Variants in RNLS observed in about 807,000 individuals in gnomAD.
The protein encoded by RNLS is renalase.
In RNLS, 39 loss-of-function variants were observed where a neutral mutation model predicts 39.8. The ratio of observed to expected loss-of-function variants is 0.98; its 90% CI spans 0.76 to 1.28. The LOEUF (loss-of-function observed/expected upper bound fraction) is 1.28. Among genes scored for constraint, RNLS ranks in the 50% most tolerant of loss-of-function variants. The pLI, the probability that RNLS is intolerant of heterozygous loss-of-function variation, is 0.00. For missense variants in RNLS, 410 were observed against 413.3 expected (o/e 0.99, Z 0.07); for synonymous variants, 147 against 150.7 (o/e 0.98, Z 0.18).
intron 4 of RNLS, among the ~76,000 whole-genome samples, chr10:88,389,618 T>C (rs1371207204): frequency 1.4e-5 from 2 of 138,580 alleles, no homozygotes; most frequent in Non-Finnish European, 3.1e-5. Flanking sequence ...AAGGATCCTT[T>C]TGAAAGTGAA....
At chr10:88,452,990 G>A (rs1413092813) in intron 4 of RNLS, among the ~76,000 whole-genome samples, 2 of 152,188 alleles carry the variant, frequency 1.3e-5, no homozygotes, top group Admixed American at 6.5e-5. Context: ...ACAGGCAGAG[G>A]TGCTAGTTGA....
chr10:88,574,345 G>T (rs1850028546), intron 3 of RNLS, among the ~76,000 whole-genome samples: 1 of 152,086 alleles, frequency 6.6e-6, no homozygotes, highest in African/African-American at 2.4e-5. Context: ...TCTTTACCTG[G>T]GAAATCTCAC....
chr10:88,524,949 G>GCACACACACA (rs761145374), intron 4 of RNLS, among the ~76,000 whole-genome samples: 762 of 49,556 alleles, frequency 0.015, 34 homozygotes, highest in Middle Eastern at 0.023. Flanking sequence ...TATATATATG[G>GCACACACACA]CACACACATA....
intron 4 of RNLS, among the ~76,000 whole-genome samples, chr10:88,473,345 G>A (rs561817515): frequency 1.3e-5 from 2 of 152,250 alleles, no homozygotes; most frequent in South Asian, 2.1e-4. Flanking sequence ...CAAGATGAGA[G>A]TTTGTCTTGC....
downstream of RNLS, among the ~76,000 whole-genome samples, chr10:88,283,341 T>A (rs1843093846): frequency 6.6e-6 from 1 of 152,116 alleles, no homozygotes; most frequent in Admixed American, 6.6e-5. Context: ...TTAGAAAGAA[T>A]AGATATTAAA....
At chr10:88,475,000 GT>G (rs1221863237) in intron 4 of RNLS, among the ~76,000 whole-genome samples, 6 of 152,144 alleles carry the variant, frequency 3.9e-5, no homozygotes, top group African/African-American at 1.4e-4. Flanking sequence ...CAACAAGATA[GT>G]GGACTGCCAT....
intron 4 of RNLS, among the ~76,000 whole-genome samples, chr10:88,529,725 A>G (rs1222633353): frequency 1.3e-5 from 2 of 152,356 alleles, no homozygotes; most frequent in East Asian, 3.9e-4. Context: ...GAAACATTCC[A>G]AACATATGAA....
chr10:88,455,307 C>T (rs559706827), intron 4 of RNLS, among the ~76,000 whole-genome samples: 9 of 152,164 alleles, frequency 5.9e-5, no homozygotes, highest in South Asian at 2.1e-4. Context: ...TAGAAATAAA[C>T]GTTCCAAACC....
intron 4 of RNLS, among the ~76,000 whole-genome samples, chr10:88,369,800 C>T (rs1308299225): frequency 6.6e-6 from 1 of 152,182 alleles, no homozygotes; most frequent in Non-Finnish European, 1.5e-5. Context: ...CTGCCTCATC[C>T]TCCCAAGTAA....
intron 4 of RNLS, among the ~76,000 whole-genome samples, chr10:88,508,204 G>T (rs1845903347): frequency 6.6e-6 from 1 of 152,092 alleles, no homozygotes; most frequent in Non-Finnish European, 1.5e-5. Context: ...TGAGGTAAAA[G>T]GTCAGAGATT....
At chr10:88,466,395 C>A (rs971339215) in intron 4 of RNLS, among the ~76,000 whole-genome samples, 2 of 152,066 alleles carry the variant, frequency 1.3e-5, no homozygotes, top group African/African-American at 4.8e-5. Flanking sequence ...CCAGCCTGGG[C>A]AGCATAGGAA....
chr10:88,493,911 A>G (rs1845021761), intron 4 of RNLS, among the ~76,000 whole-genome samples: 1 of 152,152 alleles, frequency 6.6e-6, no homozygotes, highest in Admixed American at 6.6e-5. Flanking sequence ...CAGACCATAA[A>G]CAAAATGGAG....
the RNLS span, among the ~76,000 whole-genome samples, chr10:88,183,176 T>C: frequency 2.0e-5 from 3 of 152,234 alleles, no homozygotes; most frequent in East Asian, 5.8e-4. Context: ...ATATTTTCCT[T>C]TGGATGCAAG....
At chr10:88,382,941 T>G (rs2133530571) in intron 4 of RNLS, among the ~76,000 whole-genome samples, 2 of 152,220 alleles carry the variant, frequency 1.3e-5, no homozygotes, top group South Asian at 4.1e-4. Flanking sequence ...TGGTAAAATA[T>G]TTATTTTAAA....
chr10:88,417,243 G>A (rs2133736644), intron 4 of RNLS, among the ~76,000 whole-genome samples: 1 of 152,288 alleles, frequency 6.6e-6, no homozygotes, highest in African/African-American at 2.4e-5. Context: ...AAACACTATT[G>A]TATTGTTTAG....
chr10:88,244,193 A>G, the RNLS span, among the ~76,000 whole-genome samples: 1 of 152,214 alleles, frequency 6.6e-6, no homozygotes, highest in East Asian at 1.9e-4. Flanking sequence ...GTTGTACAGC[A>G]AATGCTGACC....
At chr10:88,299,994 AAAGAATGATAT>A (rs1844395253) in intron 6 of RNLS, among the ~76,000 whole-genome samples, 1 of 152,236 alleles carries the variant, frequency 6.6e-6, no homozygotes, top group Admixed American at 6.5e-5. Context: ...AGCAGCAAAA[AAAGAATGATAT>A]AAGAAGGTGT....
At chr10:88,569,891 C>CA (rs972950572) in intron 4 of RNLS, among the ~76,000 whole-genome samples, 2 of 151,642 alleles carry the variant, frequency 1.3e-5, no homozygotes, top group African/African-American at 2.4e-5. Flanking sequence ...AGCACCTTGA[C>CA]AAAAAAAGAA....
rs1273787343 is a variant in RNLS, at chr10:88,314,426, A to G, written c.876+40T>C. The G allele has an allele frequency of 3.1e-6, 5 of 1,600,146 alleles. No individual in the cohort carries two copies. In the Admixed American group the frequency reaches 6.7e-5, roughly 22 times the overall value. On this transcript the variant is annotated intron_variant, in intron 6 of 6. Coordinates refer to ENST00000331772, the MANE Select transcript of RNLS (RefSeq NM_001031709.3). ...TAACATCAGTTCTGTGAGCCTGTTA[A>G]GAAAATTGTTGTGCTTAGACCACTG...
Sources: gnomAD v4.1 joint callset for allele counts (sites outside exome capture counted in the v4.1 genomes callset) on GRCh38, gnomAD v4.1.1 for gene constraint, MANE v1.5 for transcripts, NCBI Gene and HGNC (gene_info 2026-07-23, HGNC 2026-07-21) for gene names.